The following ZNF385D variants were observed in gnomAD, a reference collection of about 807,000 sequenced individuals.
The protein encoded by ZNF385D is zinc finger protein 659.
A neutral mutation model predicts 35.8 loss-of-function variants in ZNF385D; 15 were observed. That is an observed-to-expected ratio of 0.42 (90% confidence interval 0.28 to 0.64). ZNF385D has a LOEUF of 0.64. Among genes scored for constraint, ZNF385D ranks in the 30% least tolerant of loss-of-function variants. The probability of loss-of-function intolerance (pLI) is 0.23; values close to 1 mark genes in which losing one functional copy is unlikely to be tolerated. For synonymous variants in ZNF385D, 212 were observed against 186.8 expected, an observed-to-expected ratio of 1.13 and a Z score of -1.10; for missense variants, 474 against 494.6, an observed-to-expected ratio of 0.96 and a Z score of 0.39.
At chr3:21,645,685 G>C (rs377253046) in intron 2 of ZNF385D, among the ~76,000 whole-genome samples, 65 of 152,238 alleles carry the variant, frequency 4.3e-4, no homozygotes, top group African/African-American at 1.5e-3. Context: ...CAGTCACCAT[G>C]GCTCGCTGTC....
chr3:22,166,794 G>C (rs562115187), intron 3 of ZNF385D, among the ~76,000 whole-genome samples: 4 of 151,962 alleles, frequency 2.6e-5, no homozygotes, highest in East Asian at 3.9e-4. Context: ...TTCTAGTTTT[G>C]TTCTATAATG....
chr3:21,519,388 C>T (rs561427165), intron 3 of ZNF385D, among the ~76,000 whole-genome samples: 192 of 152,246 alleles, frequency 1.3e-3, no homozygotes, highest in African/African-American at 4.3e-3. Flanking sequence ...CATTCCTTAA[C>T]ATTAGGTATT....
Position 21,419,624 on chromosome 3 carries a change from C to A in ZNF385D, c.*1590G>T, listed in dbSNP as rs1226012708. On this transcript the variant is annotated 3_prime_UTR_variant, in exon 8 of 8. Coordinates refer to ENST00000281523, the MANE Select transcript of ZNF385D (RefSeq NM_024697.3). Reference sequence around the variant, plus strand: ...ATTATTCTAAGTTTCAGTGTCATTGCTCTTATTAATGCAACAGACTGGCTG... The same window carrying A: ...ATTATTCTAAGTTTCAGTGTCATTGATCTTATTAATGCAACAGACTGGCTG... 1 of 152,022 alleles carries A rather than the reference C, an allele frequency of 6.6e-6. No individual in the cohort carries two copies. Among genetic ancestry groups the A allele is most frequent in the Non-Finnish European group, 1.5e-5 (1 of 67,992 alleles). 9.4% of individuals were successfully genotyped at this position (152,022 alleles called of 1,614,324 possible).
intron 3 of ZNF385D, among the ~76,000 whole-genome samples, chr3:21,928,583 A>G (rs1559763077): frequency 6.6e-6 from 1 of 152,212 alleles, no homozygotes; most frequent in Non-Finnish European, 1.5e-5. Flanking sequence ...AAAGGTTAAA[A>G]AATAATAAGG....
chr3:22,107,203 A>G (rs1439483477), intron 3 of ZNF385D, among the ~76,000 whole-genome samples: 1 of 151,328 alleles, frequency 6.6e-6, no homozygotes, highest in Admixed American at 6.6e-5. Context: ...TTTTATTCTT[A>G]ATAGAGACAG....
At chr3:21,944,948 T>A (rs1465516313) in intron 3 of ZNF385D, among the ~76,000 whole-genome samples, 3 of 152,080 alleles carry the variant, frequency 2.0e-5, no homozygotes, top group Admixed American at 2.0e-4. Context: ...TTTGTAACTC[T>A]CATTTACATA....
intron 1 of ZNF385D, among the ~76,000 whole-genome samples, chr3:21,723,148 C>G (rs955194873): frequency 2.0e-5 from 3 of 152,170 alleles, no homozygotes; most frequent in Non-Finnish European, 2.9e-5. Context: ...ATCCAAAGGT[C>G]ACCAACATCA....
intron 1 of ZNF385D, among the ~76,000 whole-genome samples, chr3:21,699,339 G>A (rs950813400): frequency 1.3e-5 from 2 of 152,088 alleles, no homozygotes; most frequent in African/African-American, 4.8e-5. Flanking sequence ...GGCCTGTCAG[G>A]GGGTGAGGGG....
intron 3 of ZNF385D, among the ~76,000 whole-genome samples, chr3:22,134,879 G>T (rs1315598363): frequency 1.3e-5 from 2 of 152,240 alleles, no homozygotes; most frequent in South Asian, 4.1e-4. Flanking sequence ...CATTATGACA[G>T]AACCCTCATA....
chr3:22,200,897 G>T (rs1391480206), intron 2 of ZNF385D, among the ~76,000 whole-genome samples: 1 of 152,094 alleles, frequency 6.6e-6, no homozygotes, highest in Non-Finnish European at 1.5e-5. Context: ...AGAGTGTAAG[G>T]TTATCTCTCT....
At chr3:21,757,625 G>A (rs761940113) in intron 3 of ZNF385D, among the ~76,000 whole-genome samples, 5 of 152,152 alleles carry the variant, frequency 3.3e-5, no homozygotes, top group Non-Finnish European at 7.3e-5. Flanking sequence ...ACTGTCCTAG[G>A]CGCTAAAGGT....
chr3:21,467,743 C>A (rs1337767618), intron 4 of ZNF385D, among the ~76,000 whole-genome samples: 2 of 152,198 alleles, frequency 1.3e-5, no homozygotes, highest in East Asian at 3.9e-4. Flanking sequence ...CCCAGAAATT[C>A]TATTCCTAAC....
In ZNF385D at chr3:21,951,316, T is replaced by A. The variant is rs545854794; in HGVS notation, c.325+217501A>T. ...TTATTCTCTTTGTAGCAATTGTGAA[T>A]GGGAGTTCTCTCATGATTTGGCTAT... On this transcript the variant is annotated intron_variant, in intron 3 of 5. Transcript: ENST00000494108. Among the ~76,000 whole-genome samples the A allele has an allele frequency of 5.9e-5, 9 of 151,794 alleles. 1 individual carries two copies. In the South Asian group the frequency reaches 1.7e-3, roughly 28 times the overall value.
chr3:21,962,153 A>G (rs1702634617), intron 3 of ZNF385D, among the ~76,000 whole-genome samples: 1 of 152,168 alleles, frequency 6.6e-6, no homozygotes, highest in South Asian at 2.1e-4. Flanking sequence ...ATAAAGCCAG[A>G]CAGAAAATGT....
intron 3 of ZNF385D, among the ~76,000 whole-genome samples, chr3:22,008,774 T>A (rs1696380587): frequency 6.6e-6 from 1 of 152,112 alleles, no homozygotes; most frequent in African/African-American, 2.4e-5. Flanking sequence ...AGGATTAAAA[T>A]AGAGAAATGT....
At chr3:21,638,011 A>T (rs2065496321) in intron 2 of ZNF385D, among the ~76,000 whole-genome samples, 1 of 152,104 alleles carries the variant, frequency 6.6e-6, no homozygotes, top group African/African-American at 2.4e-5. Flanking sequence ...ATTCCAAATA[A>T]TAATCAGAGG....
intron 2 of ZNF385D, among the ~76,000 whole-genome samples, chr3:22,192,458 A>C (rs1003448906): frequency 6.6e-6 from 1 of 152,146 alleles, no homozygotes; most frequent in Non-Finnish European, 1.5e-5. Context: ...ACACATTGCA[A>C]AAATGATGGT....
intron 3 of ZNF385D, among the ~76,000 whole-genome samples, chr3:22,120,228 G>C (rs1396083613): frequency 1.3e-5 from 2 of 151,928 alleles, no homozygotes; most frequent in Non-Finnish European, 2.9e-5. Context: ...TTAAATAACA[G>C]ACATTTATCC....
chr3:21,822,072 T>C (rs995002815), intron 3 of ZNF385D, among the ~76,000 whole-genome samples: 2 of 150,918 alleles, frequency 1.3e-5, no homozygotes, highest in Non-Finnish European at 2.9e-5. Flanking sequence ...CAAGTTAAAA[T>C]AATTTTTTTT....
Sources: allele counts gnomAD v4.1 joint callset (sites outside exome capture counted in the v4.1 genomes callset), GRCh38; gene constraint gnomAD v4.1.1; transcripts MANE v1.5; gene names NCBI Gene and HGNC (gene_info 2026-07-23, HGNC 2026-07-21).